Variants in HDAC1 observed in about 807,000 individuals in gnomAD.
HDAC1 encodes the protein protein deacetylase HDAC1.
HDAC1 carries 18 observed loss-of-function variants against 65.5 expected under a neutral mutation model. The observed-to-expected ratio is 0.27, with a 90% CI of 0.19 to 0.41. HDAC1 has a LOEUF of 0.41. HDAC1 is among the 10% of genes least tolerant of loss of function. The probability of loss-of-function intolerance (pLI) is 1.00; values close to 1 mark genes in which losing one functional copy is unlikely to be tolerated. For synonymous variants in HDAC1, 211 were observed against 227.9 expected (o/e 0.93, Z 0.67); for missense variants, 373 against 625.2 (o/e 0.60, Z 4.30).
intron 2 of HDAC1, among the ~76,000 whole-genome samples, chr1:32,309,234 A>G (rs996110161): frequency 3.3e-5 from 5 of 152,352 alleles, no homozygotes; most frequent in African/African-American, 1.2e-4. Flanking sequence ...CCAAGCAAAC[A>G]TGCAATTTAT....
chr1:32,323,297 G>T (rs535069179), intron 3 of HDAC1, among the ~76,000 whole-genome samples: 1 of 151,212 alleles, frequency 6.6e-6, no homozygotes, highest in African/African-American at 2.4e-5. Context: ...GCAAAACTCC[G>T]TCTCAAAAAA....
chr1:32,315,505 A>G (rs908718941), intron 2 of HDAC1, among the ~76,000 whole-genome samples: 13 of 151,164 alleles, frequency 8.6e-5, no homozygotes, highest in African/African-American at 3.1e-4. Flanking sequence ...GGTGCATGCC[A>G]CCACGTCCAG....
At chr1:32,296,568 A>G (rs1640769056) in intron 1 of HDAC1, among the ~76,000 whole-genome samples, 1 of 152,098 alleles carries the variant, frequency 6.6e-6, no homozygotes, top group South Asian at 2.1e-4. Context: ...GTTTAGAGAC[A>G]GGATTTCGCC....
intron 2 of HDAC1, among the ~76,000 whole-genome samples, chr1:32,316,408 G>C (rs1641064932): frequency 2.0e-5 from 3 of 152,218 alleles, no homozygotes; most frequent in Admixed American, 6.5e-5. Flanking sequence ...TGAGGAAATG[G>C]AGGTTCAAGA....
At chr1:32,318,384 G>T (rs1486190046) in intron 3 of HDAC1, among the ~76,000 whole-genome samples, 2 of 151,906 alleles carry the variant, frequency 1.3e-5, no homozygotes, top group Non-Finnish European at 2.9e-5. Context: ...AACATAGTGA[G>T]ACCCTCATCT....
At chr1:32,307,297 G>A (rs1185091228) in intron 2 of HDAC1, among the ~76,000 whole-genome samples, 1 of 152,076 alleles carries the variant, frequency 6.6e-6, no homozygotes. Context: ...AGCTCTTAGC[G>A]ACTTCAGCAC....
At chr1:32,332,269 G>T (rs2148073783) in intron 12 of HDAC1, 27 bp downstream of exon 12, 3 of 1,597,208 alleles carry the variant, frequency 1.9e-6, no homozygotes, top group South Asian at 1.1e-5. Flanking sequence ...CTGGGACTTG[G>T]GTCTCGAGCC....
rs563602811 is a variant in HDAC1, at chr1:32,331,270, C to A, written c.980-204C>A. Among the ~76,000 whole-genome samples, 1 of 152,268 alleles carries A rather than the reference C, an allele frequency of 6.6e-6. No homozygotes were observed. The highest frequency in any genetic ancestry group is 6.5e-5 in the Admixed American group (1 of 15,304). Reference sequence around the variant, plus strand: ...ATGGGCCTTCTCCTAGCGACATATACACCACTGGTACAGACATAGGAGAGT... The same window carrying A: ...ATGGGCCTTCTCCTAGCGACATATAAACCACTGGTACAGACATAGGAGAGT... On this transcript the variant is annotated intron_variant, in intron 9 of 13. Transcript: ENST00000373548. The surrounding 1 kb of genome is among the most constrained non-coding windows in gnomAD (Gnocchi z 4.2).
At position 32,323,633 on chromosome 1, in the gene HDAC1, A is replaced by G. The variant is rs139522963; in HGVS notation, c.281-846A>G. Among the ~76,000 whole-genome samples the G allele has an allele frequency of 3.1e-3, 465 of 152,216 alleles. 3 individuals carry two copies. The highest frequency in any genetic ancestry group is 0.02 in the Middle Eastern group (6 of 294). On this transcript the variant is annotated intron_variant, in intron 3 of 13. Transcript: ENST00000373548. The stretch of plus-strand genomic sequence containing the variant: ...GGCTGGTCTTGAACTCCTGGCCTCA[A>G]GTGGTCCTCCTGCCTTAGCCTCCCG...
chr1:32,299,486 C>G (rs60387008), intron 1 of HDAC1, among the ~76,000 whole-genome samples: 6,336 of 152,208 alleles, frequency 0.042, 431 homozygotes, highest in African/African-American at 0.14. Flanking sequence ...ACCCTCACCT[C>G]AGATACTCCC....
At chr1:32,310,504 G>A (rs973183646) in intron 2 of HDAC1, among the ~76,000 whole-genome samples, 6 of 152,252 alleles carry the variant, frequency 3.9e-5, no homozygotes, top group Admixed American at 2.6e-4. Flanking sequence ...CTTGAGCCCA[G>A]GAGTTCGAGA....
Position 32,324,601 on chromosome 1 carries a change from T to C in HDAC1, c.355+48T>C, listed in dbSNP as rs1426894340. The C allele has an allele frequency of 3.2e-6, 4 of 1,266,298 alleles. No individual in the cohort carries two copies. The Admixed American group carries it at 6.7e-5, about 21-fold the overall frequency. The allele number at this position is 1,266,298 out of a possible 1,614,324, so 78.4% of individuals were successfully genotyped here. A position where few individuals can be genotyped will look rare whatever the true frequency, so the allele number is the denominator to read the frequency against. ...CCAGGGGTAGACTGGGTTGTTCTAG[T>C]GAGGTCTGCCTTTTAGGCTGCTATC... On this transcript the variant is annotated intron_variant, in intron 4 of 13. Coordinates refer to ENST00000373548, the MANE Select transcript of HDAC1 (RefSeq NM_004964.3).
chr1:32,333,212 G>A lies in HDAC1; in HGVS notation c.*168G>A. On this transcript the variant is annotated 3_prime_UTR_variant, in exon 14 of 14. Coordinates refer to ENST00000373548, the MANE Select transcript of HDAC1 (RefSeq NM_004964.3). ...CGAGCTCAGGGCAGCTGTGCTGGGT[G>A]AGCTCTTCCAGGAGCCACCTTGCCA... is the stretch of plus-strand genomic sequence containing the variant. 1.9e-6 allele frequency: 1 copy of A among 534,756 alleles called. No individual in the cohort carries two copies. Among genetic ancestry groups the A allele is most frequent in the Non-Finnish European group, 3.2e-6 (1 of 310,394 alleles). The allele number at this position is 534,756 out of a possible 1,614,324, so 33.1% of individuals were successfully genotyped here. A position where few individuals can be genotyped will look rare whatever the true frequency, so the allele number is the denominator to read the frequency against.
chr1:32,306,701 T>G (rs187667251), intron 2 of HDAC1, among the ~76,000 whole-genome samples: 195 of 152,312 alleles, frequency 1.3e-3, no homozygotes, highest in African/African-American at 4.5e-3. Context: ...GGACTGTGTT[T>G]CCTGTGTATT....
chr1:32,323,700 G>T (rs1641179030), intron 3 of HDAC1, among the ~76,000 whole-genome samples: 1 of 152,104 alleles, frequency 6.6e-6, no homozygotes, highest in Non-Finnish European at 1.5e-5. Flanking sequence ...GCCAGGCCTT[G>T]TTTCCCTACT....
At chr1:32,292,860 A>T (rs1640716664) in intron 1 of HDAC1, among the ~76,000 whole-genome samples, 1 of 152,136 alleles carries the variant, frequency 6.6e-6, no homozygotes. Flanking sequence ...GTCAGAGCTC[A>T]GAGTGTTAGG....
intron 2 of HDAC1, among the ~76,000 whole-genome samples, chr1:32,308,009 A>G (rs1217559632): frequency 1.3e-5 from 2 of 152,176 alleles, no homozygotes; most frequent in Non-Finnish European, 2.9e-5. Flanking sequence ...CTTGATTGCT[A>G]TATCAAAGAG....
At chr1:32,303,671 G>A (rs910052970) in intron 2 of HDAC1, among the ~76,000 whole-genome samples, 2 of 152,054 alleles carry the variant, frequency 1.3e-5, no homozygotes, top group African/African-American at 4.8e-5. Context: ...GGTTTAAAAT[G>A]TTATCCCAAG....
At chr1:32,324,716 T>C (rs148828086) in intron 4 of HDAC1, among the ~76,000 whole-genome samples, 163 bp downstream of exon 4, 64 of 152,232 alleles carry the variant, frequency 4.2e-4, no homozygotes, top group African/African-American at 1.5e-3. Flanking sequence ...ACACCTGTAA[T>C]CCCAGCACTT....
Sources: gnomAD v4.1 joint callset for allele counts (sites outside exome capture counted in the v4.1 genomes callset) on GRCh38, gnomAD v4.1.1 for gene constraint, Gnocchi (gnomAD v3.1) non-coding constraint, MANE v1.5 for transcripts, NCBI Gene and HGNC (gene_info 2026-07-23, HGNC 2026-07-21) for gene names.